Variants in TRAPPC11 observed in about 807,000 individuals in gnomAD.
TRAPPC11 encodes the protein foie gras homolog.
A neutral mutation model predicts 151.2 loss-of-function variants in TRAPPC11; 104 were observed. The ratio of observed to expected loss-of-function variants is 0.69; its 90% CI spans 0.59 to 0.81. The LOEUF is 0.81. Ranked by LOEUF, TRAPPC11 falls within the 30% of genes least tolerant of loss-of-function variation. The pLI is 0.00. For missense variants in TRAPPC11, 1,230 were observed against 1,349.6 expected, an observed-to-expected ratio of 0.91 and a Z score of 1.39; for synonymous variants, 456 against 472.3, an observed-to-expected ratio of 0.97 and a Z score of 0.45.
intron 5 of TRAPPC11, among the ~76,000 whole-genome samples, chr4:183,671,429 G>A (rs1735152542): frequency 6.6e-6 from 1 of 152,156 alleles, no homozygotes; most frequent in African/African-American, 2.4e-5. Flanking sequence ...AGGAAGAAAG[G>A]ATGTAAGGAC....
Position 183,691,351 on chromosome 4 carries a change from C to A in TRAPPC11, c.1929C>A (p.Ser643=). 6.4e-7 allele frequency: 1 copy of A among 1,555,318 alleles called. No individual in the cohort carries two copies. Residue 643 remains serine, a synonymous_variant, in exon 19 of 30, where the codon TCC becomes TCA. Transcript: ENST00000334690. ...YNQFCVIEEA[S]KANEVLENLT... is the part of the protein sequence containing the mutation. Reference sequence around the variant, plus strand: ...AGTTCTGTGTAATAGAAGAAGCATCCAAAGCAAATGAAGTTTTAGAAAATC... The same window carrying A: ...AGTTCTGTGTAATAGAAGAAGCATCAAAAGCAAATGAAGTTTTAGAAAATC...
At chr4:183,684,646 G>C (rs373035634) in intron 14 of TRAPPC11, 50 bp from the exon 15 acceptor site, 22 of 1,594,358 alleles carry the variant, frequency 1.4e-5, no homozygotes, top group Non-Finnish European at 1.9e-5. Flanking sequence ...TGAACTCTTC[G>C]AACCCTTTCT....
chr4:183,712,598 AGC>A lies in TRAPPC11; in HGVS notation c.3358-1_3358del, dbSNP rs751561946. On this transcript the variant is annotated splice_acceptor_variant and coding_sequence_variant, in exon 30 of 30. Transcript: ENST00000334690. LOFTEE classifies it high-confidence loss of function. ...ACCCACTTTGTTTTTCCCACTTTAA[AGC>A]CACAGGGTCGACTCATGGATGATAC... is the stretch of plus-strand genomic sequence containing the variant. 1.2e-6 allele frequency: 2 copies of A among 1,614,066 alleles called. No individual in the cohort carries two copies. Among genetic ancestry groups the A allele is most frequent in the South Asian group, 2.2e-5 (2 of 91,028 alleles).
At chr4:183,688,817 G>A (rs540807645) in intron 18 of TRAPPC11, among the ~76,000 whole-genome samples, 20 of 152,152 alleles carry the variant, frequency 1.3e-4, no homozygotes, top group African/African-American at 4.6e-4. Context: ...ACCATCTTGA[G>A]TTACTGCAGC....
chr4:183,703,955 A>G, intron 26 of TRAPPC11, among the ~76,000 whole-genome samples: 1 of 152,188 alleles, frequency 6.6e-6, no homozygotes, highest in Non-Finnish European at 1.5e-5. Flanking sequence ...AGTGCTCTTC[A>G]AAGTGGTCTG....
intron 25 of TRAPPC11, 152 bp from the exon 26 acceptor site, chr4:183,701,545 G>A (rs900315435): frequency 7.0e-6 from 4 of 572,614 alleles, no homozygotes; most frequent in African/African-American, 5.6e-5. Context: ...CCTTGAAAAA[G>A]TCATTTAACA....
intron 23 of TRAPPC11, among the ~76,000 whole-genome samples, chr4:183,695,229 C>G (rs977910096): frequency 6.6e-6 from 1 of 152,016 alleles, no homozygotes; most frequent in Non-Finnish European, 1.5e-5. Flanking sequence ...GGATTACAGG[C>G]GTGATCCACT....
Position 183,708,395 on chromosome 4 carries a change from T to C in TRAPPC11, c.3190-12T>C, listed in dbSNP as rs1215118211. 15 of 1,607,342 alleles carry C rather than the reference T, an allele frequency of 9.3e-6. No individual in the cohort carries two copies. Among genetic ancestry groups the C allele is most frequent in the Non-Finnish European group, 1.3e-5 (15 of 1,176,570 alleles). On this transcript the variant is annotated splice_polypyrimidine_tract_variant and intron_variant, in intron 28 of 29. Coordinates refer to ENST00000334690, the MANE Select transcript of TRAPPC11 (RefSeq NM_021942.6). ...ATTTGATTATCTTTCTCTGTGACTTTTTATGATGCAGATTCGATTACGTAT... is the reference window on the plus strand; with the variant it reads ...ATTTGATTATCTTTCTCTGTGACTTCTTATGATGCAGATTCGATTACGTAT...
chr4:183,685,059 GT>G, intron 15 of TRAPPC11, 24 bp from the exon 16 acceptor site: 1 of 1,606,116 alleles, frequency 6.2e-7, no homozygotes, highest in African/African-American at 1.3e-5. Flanking sequence ...TACTTAAAAT[GT>G]TTTTCCTTCT....
rs189866563 is a variant in TRAPPC11, at chr4:183,704,965, C to T, written c.2964-14C>T. Reference sequence around the variant, plus strand: ...TTTAAAAAGAGTTTAAAAAGATGACCTCTTCTGCCACAGGACCTCAGCAAT... The same window carrying T: ...TTTAAAAAGAGTTTAAAAAGATGACTTCTTCTGCCACAGGACCTCAGCAAT... On this transcript the variant is annotated splice_polypyrimidine_tract_variant and intron_variant, in intron 26 of 29. Coordinates refer to ENST00000334690, the MANE Select transcript of TRAPPC11 (RefSeq NM_021942.6). 3 of 1,533,588 alleles carry T rather than the reference C, an allele frequency of 2.0e-6. No individual in the cohort carries two copies. The South Asian group carries it at 3.8e-5, about 19-fold the overall frequency. 95.0% of individuals were successfully genotyped at this position (1,533,588 alleles called of 1,614,324 possible).
intron 18 of TRAPPC11, 102 bp from the exon 19 acceptor site, chr4:183,691,214 T>C (rs1736241552): frequency 1.1e-6 from 1 of 903,286 alleles, no homozygotes; most frequent in African/African-American, 1.7e-5. Context: ...CCCTTCATAA[T>C]GCTTCAGTGT....
intron 29 of TRAPPC11, among the ~76,000 whole-genome samples, chr4:183,709,228 C>T (rs544574620): frequency 2.6e-5 from 4 of 152,118 alleles, no homozygotes; most frequent in Non-Finnish European, 4.4e-5. Flanking sequence ...CACTGCTGTG[C>T]GCCCTCTTTT....
Position 183,712,595 on chromosome 4 carries a change from T to G in TRAPPC11, c.3358-5T>G, listed in dbSNP as rs752037962. 2 of 1,614,076 alleles carry G rather than the reference T, an allele frequency of 1.2e-6. No homozygotes were observed. The highest frequency in any genetic ancestry group is 1.7e-5 in the Admixed American group (1 of 60,024). On this transcript the variant is annotated splice_polypyrimidine_tract_variant and splice_region_variant and intron_variant, in intron 29 of 29. Transcript: ENST00000334690. ...TAAACCCACTTTGTTTTTCCCACTT[T>G]AAAGCCACAGGGTCGACTCATGGAT...
intron 3 of TRAPPC11, 79 bp downstream of exon 3, chr4:183,666,505 G>GCACC: frequency 7.0e-7 from 1 of 1,432,368 alleles, no homozygotes; most frequent in Admixed American, 2.0e-5. Context: ...AGGCAATGGA[G>GCACC]TACCGTTCAG....
At chr4:183,663,152 C>CGAG (rs1365044755) in intron 1 of TRAPPC11, among the ~76,000 whole-genome samples, 1 of 152,020 alleles carries the variant, frequency 6.6e-6, no homozygotes, top group African/African-American at 2.4e-5. Flanking sequence ...CTGGAGCCTC[C>CGAG]GCCTCCTGGG....
chr4:183,699,880 A>C (rs1188953309), intron 25 of TRAPPC11, among the ~76,000 whole-genome samples: 2 of 151,600 alleles, frequency 1.3e-5, no homozygotes, highest in Non-Finnish European at 2.9e-5. Context: ...GCTGGAGTGC[A>C]GTGGCACGAT....
At chr4:183,689,183 G>A (rs973953764) in intron 18 of TRAPPC11, among the ~76,000 whole-genome samples, 1 of 152,092 alleles carries the variant, frequency 6.6e-6, no homozygotes, top group South Asian at 2.1e-4. Flanking sequence ...TACAAGTATC[G>A]GAATTGAGTT....
At chr4:183,691,141 A>T (rs1473059243) in intron 18 of TRAPPC11, among the ~76,000 whole-genome samples, 175 bp from the exon 19 acceptor site, 3 of 152,250 alleles carry the variant, frequency 2.0e-5, no homozygotes, top group African/African-American at 7.2e-5. Flanking sequence ...CTGTTATATT[A>T]TGGCAGCAGT....
At chr4:183,659,610 G>T (rs1459881179) in intron 1 of TRAPPC11, among the ~76,000 whole-genome samples, 163 bp downstream of exon 1, 1 of 152,202 alleles carries the variant, frequency 6.6e-6, no homozygotes, top group Non-Finnish European at 1.5e-5. Flanking sequence ...CCGTTTCTAG[G>T]GCCTCCCAGG....
Sources: gnomAD v4.1 joint callset for allele counts (sites outside exome capture counted in the v4.1 genomes callset) on GRCh38, gnomAD v4.1.1 for gene constraint, MANE v1.5 for transcripts, NCBI Gene and HGNC (gene_info 2026-07-23, HGNC 2026-07-21) for gene names.